DMGDH: variants seen among roughly 807,000 people sequenced by gnomAD.
The protein encoded by DMGDH is dimethylglycine dehydrogenase, also known as dimethylglycine dehydrogenase, mitochondrial.
Under a neutral mutation model 95.2 loss-of-function variants are expected in DMGDH, and 76 were observed. That is an observed-to-expected ratio of 0.80 (90% CI 0.66 to 0.97). DMGDH has a LOEUF of 0.97. DMGDH is among the 50% of genes least tolerant of loss of function. The pLI, the probability that DMGDH is intolerant of heterozygous loss-of-function variation, is 0.00. For synonymous variants in DMGDH, 345 were observed against 377.6 expected (o/e 0.91, Z 1.00); for missense variants, 987 against 1,055.0 (o/e 0.94, Z 0.89).
chr5:79,064,876 T>G (rs903367922), intron 1 of DMGDH, among the ~76,000 whole-genome samples: 1 of 152,030 alleles, frequency 6.6e-6, no homozygotes, highest in Non-Finnish European at 1.5e-5. Context: ...CAGCCTCCCA[T>G]GTAGCTGGGA....
At chr5:79,002,988 C>T (rs1753480019) in intron 15 of DMGDH, among the ~76,000 whole-genome samples, 1 of 152,138 alleles carries the variant, frequency 6.6e-6, no homozygotes, top group African/African-American at 2.4e-5. Context: ...AAGGAAAAAA[C>T]CTTTAGATTA....
chr5:79,055,367 C>T (rs1754996469), intron 3 of DMGDH, among the ~76,000 whole-genome samples: 1 of 152,172 alleles, frequency 6.6e-6, no homozygotes, highest in African/African-American at 2.4e-5. Context: ...TACTCTTTTG[C>T]CTGCCATTTT....
chr5:79,062,059 G>A (rs1755224894), intron 2 of DMGDH, among the ~76,000 whole-genome samples: 1 of 152,082 alleles, frequency 6.6e-6, no homozygotes, highest in African/African-American at 2.4e-5. Context: ...CTCCCTCGAA[G>A]GGTATTTCCA....
intron 14 of DMGDH, among the ~76,000 whole-genome samples, chr5:79,014,368 G>C (rs17223387): frequency 0.16 from 24,567 of 152,100 alleles, 2,486 homozygotes; most frequent in Non-Finnish European, 0.23. Context: ...TGGACCTGTG[G>C]CTTTATCAGA....
intron 9 of DMGDH, among the ~76,000 whole-genome samples, chr5:79,032,354 C>T (rs1163879551): frequency 6.6e-6 from 1 of 152,204 alleles, no homozygotes; most frequent in Non-Finnish European, 1.5e-5. Context: ...CCACTGAGCA[C>T]CCTAAAGTAC....
intron 2 of DMGDH, among the ~76,000 whole-genome samples, chr5:79,059,348 C>A (rs1167914983): frequency 6.6e-6 from 1 of 152,204 alleles, no homozygotes; most frequent in Non-Finnish European, 1.5e-5. Context: ...CTCAGTGAGG[C>A]ACACACCCAA....
intron 9 of DMGDH, among the ~76,000 whole-genome samples, 160 bp from the exon 10 acceptor site, chr5:79,031,158 C>A (rs1754165805): frequency 6.6e-6 from 1 of 152,150 alleles, no homozygotes; most frequent in Non-Finnish European, 1.5e-5. Flanking sequence ...TTCTGTTCTG[C>A]AAATCATTCA....
chr5:79,022,734 A>G (rs1034883268), intron 14 of DMGDH, among the ~76,000 whole-genome samples: 13 of 152,240 alleles, frequency 8.5e-5, no homozygotes, highest in African/African-American at 3.1e-4. Flanking sequence ...AATAATCATA[A>G]AAGATATTTG....
intron 14 of DMGDH, among the ~76,000 whole-genome samples, chr5:79,009,260 ATC>A (rs1490641405): frequency 1.9e-4 from 29 of 152,056 alleles, no homozygotes; most frequent in Non-Finnish European, 2.6e-4. Flanking sequence ...CAGTAATTTC[ATC>A]CTCAGACATG....
At position 78,997,719 on chromosome 5, in the gene DMGDH, T is replaced by C. The variant is rs541634481; in HGVS notation, c.*363A>G. On this transcript the variant is annotated 3_prime_UTR_variant, in exon 16 of 16. Coordinates refer to ENST00000255189, the MANE Select transcript of DMGDH (RefSeq NM_013391.3). ...GTAAAAGATAATTTATTAATTTGTT[T>C]TCAGCTGTCAAGAACCGAATGCATT... is the stretch of plus-strand genomic sequence containing the variant. 1.4e-3 allele frequency: 283 copies of C among 206,286 alleles called. 1 individual carries two copies. The highest frequency in any genetic ancestry group is 6.1e-3 in the African/African-American group (262 of 42,738). The allele number at this position is 206,286 out of a possible 1,614,324, so 12.8% of individuals were successfully genotyped here.
intron 14 of DMGDH, among the ~76,000 whole-genome samples, chr5:79,005,869 T>A (rs1366240821): frequency 6.6e-6 from 1 of 152,162 alleles, no homozygotes; most frequent in Non-Finnish European, 1.5e-5. Flanking sequence ...CTTTTGCTTC[T>A]TCAGAATAAT....
chr5:79,015,704 G>A (rs1168379798), intron 14 of DMGDH, among the ~76,000 whole-genome samples: 1 of 152,090 alleles, frequency 6.6e-6, no homozygotes, highest in Non-Finnish European at 1.5e-5. Flanking sequence ...ACAAAATAAT[G>A]GCAAGCTCTA....
chr5:79,044,604 T>G (rs945415895), intron 5 of DMGDH, 52 bp from the exon 6 acceptor site: 1 of 1,597,776 alleles, frequency 6.3e-7, no homozygotes, highest in African/African-American at 1.3e-5. Flanking sequence ...AACACATAAC[T>G]GACACTCATA....
At chr5:79,063,888 C>A in intron 1 of DMGDH, 101 bp from the exon 2 acceptor site, 1 of 1,193,936 alleles carries the variant, frequency 8.4e-7, no homozygotes, top group South Asian at 1.2e-5. Context: ...TACTTAACAC[C>A]CACTGACTGA....
At chr5:79,018,414 T>C (rs766020572) in intron 14 of DMGDH, among the ~76,000 whole-genome samples, 2 of 152,122 alleles carry the variant, frequency 1.3e-5, no homozygotes, top group African/African-American at 2.4e-5. Flanking sequence ...AAAAAAAGTA[T>C]ATACTCTATG....
chr5:79,061,629 T>C (rs1402155593), intron 2 of DMGDH, among the ~76,000 whole-genome samples: 2 of 152,164 alleles, frequency 1.3e-5, no homozygotes, highest in African/African-American at 4.8e-5. Flanking sequence ...TCTTCTAAAA[T>C]GCAGGCCAGG....
At chr5:79,020,767 A>G (rs1443421058) in intron 14 of DMGDH, 2 of 984,384 alleles carry the variant, frequency 2.0e-6, no homozygotes, top group Non-Finnish European at 2.4e-6. Flanking sequence ...GAGAGGGAGA[A>G]GGAGAGAGTG....
At chr5:79,016,693 T>C (rs1470747992) in intron 14 of DMGDH, among the ~76,000 whole-genome samples, 2 of 152,176 alleles carry the variant, frequency 1.3e-5, no homozygotes, top group African/African-American at 4.8e-5. Flanking sequence ...TTGGTACACA[T>C]TGACAAGCTG....
At chr5:79,059,205 G>A (rs1246028643) in intron 2 of DMGDH, among the ~76,000 whole-genome samples, 1 of 152,232 alleles carries the variant, frequency 6.6e-6, no homozygotes, top group Non-Finnish European at 1.5e-5. Context: ...CAAGAGCTAT[G>A]TGATTAATAC....
Sources: allele counts gnomAD v4.1 joint callset (sites outside exome capture counted in the v4.1 genomes callset), GRCh38; gene constraint gnomAD v4.1.1; transcripts MANE v1.5; gene names NCBI Gene and HGNC (gene_info 2026-07-23, HGNC 2026-07-21).